The following SNX29 variants were observed in gnomAD, a reference collection of about 807,000 sequenced individuals.
The protein encoded by SNX29 is sorting nexin 29, also known as sorting nexin-29.
SNX29 carries 78 observed loss-of-function variants against 102.1 expected under a neutral mutation model. That is an observed-to-expected ratio of 0.76 (90% CI 0.64 to 0.92). SNX29 has a LOEUF of 0.92. Among genes scored for constraint, SNX29 ranks in the 40% least tolerant of loss-of-function variants. The probability of loss-of-function intolerance (pLI) is 0.00; values close to 1 mark genes in which losing one functional copy is unlikely to be tolerated. For synonymous variants in SNX29, 580 were observed against 414.5 expected (o/e 1.40, Z -4.85); for missense variants, 1,280 against 1,061.7 (o/e 1.21, Z -2.86).
chr16:12,446,096 C>T lies in SNX29; in HGVS notation c.2038-31623C>T, dbSNP rs892881903. On this transcript the variant is annotated intron_variant, in intron 18 of 20. Coordinates refer to ENST00000566228, the MANE Select transcript of SNX29 (RefSeq NM_032167.5). The stretch of plus-strand genomic sequence containing the variant: ...TTTGAGACAGAGCCTTGCTGTGTTG[C>T]CCAGCCTGGAGTGCAGCGGTGCAAT... Among the ~76,000 whole-genome samples the T allele has an allele frequency of 7.6e-5, 11 of 144,324 alleles. 1 individual carries two copies. The highest frequency in any genetic ancestry group is 7.2e-4 in the Admixed American group (10 of 13,872). The allele number at this position is 144,324 out of a possible 152,430, so 94.7% of individuals were successfully genotyped here.
At chr16:12,370,285 G>T (rs1429733674) in intron 16 of SNX29, among the ~76,000 whole-genome samples, 1 of 152,012 alleles carries the variant, frequency 6.6e-6, no homozygotes, top group Non-Finnish European at 1.5e-5. Context: ...AGGTGGCTGG[G>T]TGCGGTGGCT....
At chr16:12,544,630 C>A (rs376141946) in intron 20 of SNX29, among the ~76,000 whole-genome samples, 1 of 152,184 alleles carries the variant, frequency 6.6e-6, no homozygotes, top group African/African-American at 2.4e-5. Flanking sequence ...GCCTTGGGAT[C>A]GGCAGGTTCA....
intron 14 of SNX29, among the ~76,000 whole-genome samples, chr16:12,216,808 G>A (rs2077337482): frequency 7.0e-6 from 1 of 143,760 alleles, no homozygotes; most frequent in African/African-American, 2.6e-5. Context: ...AAGTCTTCAA[G>A]TTCATTCATC....
intron 15 of SNX29, among the ~76,000 whole-genome samples, chr16:12,302,781 A>G (rs1489065541): frequency 6.6e-6 from 1 of 152,216 alleles, no homozygotes; most frequent in Non-Finnish European, 1.5e-5. Flanking sequence ...ATAAAACGCC[A>G]TGGAGTGACT....
chr16:12,564,860 G>A (rs907040548), intron 20 of SNX29, among the ~76,000 whole-genome samples: 1 of 150,990 alleles, frequency 6.6e-6, no homozygotes, highest in Non-Finnish European at 1.5e-5. Context: ...AGGGCTATGA[G>A]AGATGAGAAT....
chr16:12,154,146 C>T (rs536372908), intron 13 of SNX29, among the ~76,000 whole-genome samples: 17 of 152,284 alleles, frequency 1.1e-4, no homozygotes, highest in South Asian at 4.1e-4. Context: ...CCCTCCCCAC[C>T]GACCCCACCT....
At chr16:12,411,601 G>A (rs1260330114) in intron 18 of SNX29, among the ~76,000 whole-genome samples, 2 of 152,176 alleles carry the variant, frequency 1.3e-5, no homozygotes, top group East Asian at 1.9e-4. Context: ...TCCCAAAGCT[G>A]TTGATCAAGG....
At chr16:12,550,540 A>G (rs1165992835) in intron 20 of SNX29, among the ~76,000 whole-genome samples, 1 of 152,070 alleles carries the variant, frequency 6.6e-6, no homozygotes, top group Non-Finnish European at 1.5e-5. Flanking sequence ...ACAAAAAAAA[A>G]AAAAAAACCA....
intron 15 of SNX29, among the ~76,000 whole-genome samples, chr16:12,283,509 G>T (rs2079499787): frequency 6.6e-6 from 1 of 151,896 alleles, no homozygotes; most frequent in Non-Finnish European, 1.5e-5. Flanking sequence ...TAGTAGAGAT[G>T]GGGATTTCAC....
chr16:12,051,330 C>CT (rs911039110), intron 7 of SNX29, among the ~76,000 whole-genome samples: 8 of 80,392 alleles, frequency 1.0e-4, no homozygotes, highest in African/African-American at 4.0e-4. Flanking sequence ...TGCCCCAACT[C>CT]TTAAAAAAAA....
intron 20 of SNX29, among the ~76,000 whole-genome samples, chr16:12,555,221 TAC>T (rs1244318097): frequency 6.2e-4 from 94 of 151,730 alleles, no homozygotes; most frequent in African/African-American, 2.2e-3. Flanking sequence ...AGCTGCTGGG[TAC>T]AGGGAGAAAT....
At chr16:12,501,724 CAAAAAA>C (rs59431064) in intron 19 of SNX29, among the ~76,000 whole-genome samples, 4 of 44,920 alleles carry the variant, frequency 8.9e-5, no homozygotes, top group South Asian at 1.2e-3. Context: ...GACACTGTCT[CAAAAAA>C]AAAAAAAAAA....
chr16:12,358,722 C>T (rs1335132822), intron 16 of SNX29, among the ~76,000 whole-genome samples: 1 of 152,208 alleles, frequency 6.6e-6, no homozygotes, highest in Non-Finnish European at 1.5e-5. Flanking sequence ...TGCAGGGTCT[C>T]CCCACTCAGT....
chr16:12,054,517 G>A (rs1708972980), intron 8 of SNX29, among the ~76,000 whole-genome samples: 2 of 152,228 alleles, frequency 1.3e-5, no homozygotes, highest in South Asian at 2.1e-4. Context: ...AACAACAAGT[G>A]AAGGCAGGGA....
At chr16:12,126,808 C>G (rs189495879) in intron 12 of SNX29, 112 bp downstream of exon 12, 2 of 1,112,986 alleles carry the variant, frequency 1.8e-6, no homozygotes, top group East Asian at 2.6e-5. Flanking sequence ...AAAATTGTGA[C>G]TGGCTATTTC....
At chr16:12,461,997 A>G (rs1442481870) in intron 18 of SNX29, among the ~76,000 whole-genome samples, 8 of 67,716 alleles carry the variant, frequency 1.2e-4, no homozygotes, top group East Asian at 5.8e-4. Context: ...ATATATATAT[A>G]TATATATATA....
chr16:12,570,994 A>G lies in SNX29; in HGVS notation c.*2365A>G. On this transcript the variant is annotated 3_prime_UTR_variant, in exon 21 of 21. Transcript: ENST00000566228. Reference sequence around the variant, plus strand: ...CCTGGTACCTCCCCCATGATCATGCACAGACCGTAGAGTCGAGTCATCTCG... The same window carrying G: ...CCTGGTACCTCCCCCATGATCATGCGCAGACCGTAGAGTCGAGTCATCTCG... The G allele has an allele frequency of 4.3e-6, 1 of 232,562 alleles. No individual in the cohort carries two copies. The highest frequency in any genetic ancestry group is 8.5e-6 in the Non-Finnish European group (1 of 117,596). The allele number at this position is 232,562 out of a possible 1,614,324, so 14.4% of individuals were successfully genotyped here. A position where few individuals can be genotyped will look rare whatever the true frequency, so the allele number is the denominator to read the frequency against.
At chr16:12,403,070 C>T (rs1220292547) in intron 17 of SNX29, among the ~76,000 whole-genome samples, 4 of 152,158 alleles carry the variant, frequency 2.6e-5, no homozygotes, top group Admixed American at 6.5e-5. Flanking sequence ...CCTGTGATCG[C>T]GTCCTTGGGG....
chr16:12,403,395 T>G, intron 17 of SNX29, 53 bp from the exon 18 acceptor site: 2 of 1,512,464 alleles, frequency 1.3e-6, no homozygotes, highest in Non-Finnish European at 1.8e-6. Context: ...ATTTTTTATT[T>G]TTTTGTAAGT....
Sources: allele counts gnomAD v4.1 joint callset (sites outside exome capture counted in the v4.1 genomes callset), GRCh38; gene constraint gnomAD v4.1.1; transcripts MANE v1.5; gene names NCBI Gene and HGNC (gene_info 2026-07-23, HGNC 2026-07-21).